The following BPIFA2 variants were observed in gnomAD, a reference collection of about 807,000 sequenced individuals.
BPIFA2 encodes BPI fold-containing family A member 2.
BPIFA2 carries 20 observed loss-of-function variants against 25.7 expected under a neutral mutation model. That is an observed-to-expected ratio of 0.78 (90% CI 0.55 to 1.13). BPIFA2 has a LOEUF of 1.13. Among genes scored for constraint, BPIFA2 ranks in the 50% most tolerant of loss-of-function variants. BPIFA2 has a pLI of 0.00. For missense variants in BPIFA2, 300 were observed against 298.1 expected (o/e 1.01, Z -0.05); for synonymous variants, 126 against 124.3 (o/e 1.01, Z -0.09).
intron 1 of BPIFA2, among the ~76,000 whole-genome samples, chr20:33,168,674 C>A (rs368530825): frequency 4.6e-5 from 7 of 152,154 alleles, no homozygotes; most frequent in African/African-American, 1.4e-4. Flanking sequence ...GAGTTCACAG[C>A]CTGGTAGGAA....
upstream of BPIFA2, among the ~76,000 whole-genome samples, chr20:33,166,940 G>A (rs1983744197): frequency 6.6e-6 from 1 of 152,204 alleles, no homozygotes; most frequent in Admixed American, 6.5e-5. Flanking sequence ...TCAGACGTTT[G>A]GAGAACCCGG....
rs1385849303 is a variant in BPIFA2, at chr20:33,178,133, C to A, written c.564-14C>A. On this transcript the variant is annotated splice_polypyrimidine_tract_variant and intron_variant, in intron 5 of 8. Coordinates refer to ENST00000354932, the MANE Select transcript of BPIFA2 (RefSeq NM_080574.4). ...CCACTTGACCAGACTTTAATAGTTC[C>A]CTGTGTTTTCCAGACACAGCCAAAT... The A allele has an allele frequency of 6.3e-7, 1 of 1,582,238 alleles. No individual in the cohort carries two copies. Among genetic ancestry groups the A allele is most frequent in the Non-Finnish European group, 8.7e-7 (1 of 1,154,144 alleles).
At chr20:33,176,456 C>T (rs1984080075) in intron 5 of BPIFA2, among the ~76,000 whole-genome samples, 1 of 152,212 alleles carries the variant, frequency 6.6e-6, no homozygotes, top group South Asian at 2.1e-4. Flanking sequence ...GAGGACACTC[C>T]ACTCGCCCTG....
rs79836102 is a variant in BPIFA2 at position 33,172,499 on chromosome 20, C to T, written c.158-433C>T. On this transcript the variant is annotated intron_variant, in intron 2 of 8. Transcript: ENST00000354932. ...GTTTCATGGATTGGAGCCATTTTTT[C>T]TCCTGGATTCTAGATTTTTCATTTC... 8.0e-3 allele frequency among the ~76,000 whole-genome samples: 1,213 copies of T among 151,864 alleles called. 13 individuals carry two copies. The highest frequency in any genetic ancestry group is 0.011 in the Non-Finnish European group (752 of 67,936).
In BPIFA2 at chr20:33,169,226, T is replaced by A. The variant is rs767081049; in HGVS notation, c.81T>A (p.Asn27Lys). 6.2e-7 allele frequency: 1 copy of A among 1,614,102 alleles called. No individual in the cohort carries two copies. The highest frequency in any genetic ancestry group is 8.5e-7 in the Non-Finnish European group (1 of 1,179,930). ...TSESLLDNLG[N>K]DLSNVVDKLE... ...AGTCTCTTCTTGACAATCTTGGCAATGACCTAAGCAATGTCGTGGATAAGC... is the reference window on the plus strand; with the variant it reads ...AGTCTCTTCTTGACAATCTTGGCAAAGACCTAAGCAATGTCGTGGATAAGC... The change falls in exon 2 of 9, where the codon AAT (asparagine) becomes AAA (lysine). Residue 27 changes from asparagine (N) to lysine (K), a missense_variant. Physicochemically the swap from Asn to Lys is moderately conservative, Grantham distance 94. Transcript: ENST00000354932.
intron 5 of BPIFA2, among the ~76,000 whole-genome samples, chr20:33,176,750 C>A (rs575842090): frequency 6.6e-6 from 1 of 152,218 alleles, no homozygotes; most frequent in Non-Finnish European, 1.5e-5. Flanking sequence ...TCTGTTTGAT[C>A]TGGCCCCACC....
chr20:33,179,603 GAT>G lies in BPIFA2; in HGVS notation c.648_649del (p.Ile216MetfsTer22). 6.2e-7 allele frequency: 1 copy of G among 1,609,238 alleles called. No homozygotes were observed. The highest frequency in any genetic ancestry group is 8.5e-7 in the Non-Finnish European group (1 of 1,175,748). On this transcript the variant is annotated frameshift_variant and splice_region_variant, in exon 7 of 9. Transcript: ENST00000354932. LOFTEE classifies it high-confidence loss of function. ...CCTCTTCCTCCTTTCTCCGCTGTCA[GAT>G]ATGTCCACTGATCCGCATCTTCATC... ...STVSSLLQKE[I>X]CPLIRIFIHS... is the part of the protein sequence containing the mutation.
intron 3 of BPIFA2, 106 bp downstream of exon 3, chr20:33,173,182 C>G: frequency 1.4e-6 from 2 of 1,381,734 alleles, no homozygotes; most frequent in African/African-American, 1.4e-5. Context: ...CCTCATTCCC[C>G]TCCCACAGAG....
chr20:33,174,530 C>T (rs1984009323), intron 4 of BPIFA2, among the ~76,000 whole-genome samples: 4 of 152,206 alleles, frequency 2.6e-5, no homozygotes, highest in Admixed American at 2.6e-4. Context: ...AAGATTCTCT[C>T]TAAGTTGCAG....
At position 33,178,191 on chromosome 20, in the gene BPIFA2, C is replaced by T. The variant is rs562811373; in HGVS notation, c.608C>T (p.Thr203Met). Residue 203 changes from threonine (T) to methionine (M), a missense_variant, in exon 6 of 9, where the codon ACG becomes ATG. By Grantham distance (81) the Thr-to-Met change is moderately conservative (BLOSUM62 -1). Transcript: ENST00000354932. ...AAGTTCGTGAATAGCGTGATCAACA[C>T]GCTGAAAAGCACTGTATCCTCCCTG... The part of the protein sequence containing the change: ...INKFVNSVIN[T>M]LKSTVSSLLQ... The T allele has an allele frequency of 1.0e-5, 16 of 1,606,708 alleles. No homozygotes were observed. The East Asian group carries it at 1.1e-4, about 11-fold the overall frequency.
intron 1 of BPIFA2, among the ~76,000 whole-genome samples, chr20:33,168,572 G>A (rs1327185127): frequency 6.6e-6 from 1 of 152,208 alleles, no homozygotes; most frequent in Admixed American, 6.5e-5. Context: ...ATTCAACAAA[G>A]ATTTATTCGT....
Position 33,178,164 on chromosome 20 carries a change from A to G in BPIFA2, c.581A>G (p.Asn194Ser), listed in dbSNP as rs1984146943. 6.2e-7 allele frequency: 1 copy of G among 1,606,186 alleles called. No individual in the cohort carries two copies. The highest frequency in any genetic ancestry group is 8.5e-7 in the Non-Finnish European group (1 of 1,174,324). ...TTTTCCAGACACAGCCAAATCATCA[A>G]CAAGTTCGTGAATAGCGTGATCAAC... ...SLLDKHSQII[N>S]KFVNSVINTL... The change falls in exon 6 of 9, where the codon AAC becomes AGC. Residue 194 changes from asparagine to serine, a missense_variant. Coordinates refer to ENST00000354932, the MANE Select transcript of BPIFA2 (RefSeq NM_080574.4).
intron 7 of BPIFA2, 70 bp downstream of exon 7, chr20:33,179,737 C>A: frequency 6.9e-7 from 1 of 1,447,868 alleles, no homozygotes; most frequent in Non-Finnish European, 9.7e-7. Context: ...ATAAGCAGTT[C>A]TGGTCAGGGG....
At chr20:33,170,697 A>G (rs1027110946) in intron 2 of BPIFA2, among the ~76,000 whole-genome samples, 2 of 152,200 alleles carry the variant, frequency 1.3e-5, no homozygotes, top group African/African-American at 4.8e-5. Context: ...CCCAGTCACG[A>G]CATTTATTCC....
At chr20:33,167,947 G>T (rs888829031), upstream of BPIFA2, among the ~76,000 whole-genome samples, 2 of 152,340 alleles carry the variant, frequency 1.3e-5, no homozygotes, top group Non-Finnish European at 2.9e-5. Context: ...CCTGGTCTTA[G>T]TCTTGGCGGA....
intron 7 of BPIFA2, 45 bp downstream of exon 7, chr20:33,179,712 C>T (rs766689931): frequency 1.3e-6 from 2 of 1,530,090 alleles, no homozygotes; most frequent in East Asian, 2.3e-5. Context: ...AGGCATGGAG[C>T]TCTGTGCCCA....
At chr20:33,180,443 C>G in intron 7 of BPIFA2, 77 bp from the exon 8 acceptor site, 1 of 1,485,340 alleles carries the variant, frequency 6.7e-7, no homozygotes, top group African/African-American at 1.4e-5. Flanking sequence ...GGCTGGAGAG[C>G]GGCATCTTTT....
At chr20:33,166,997 GGCAAGACT>G (rs1305605725), upstream of BPIFA2, among the ~76,000 whole-genome samples, 1 of 152,172 alleles carries the variant, frequency 6.6e-6, no homozygotes, top group Admixed American at 6.5e-5. Context: ...CAAGACCACA[GGCAAGACT>G]GCAGCAGGGG....
chr20:33,163,918 C>T (rs1291566130), upstream of BPIFA2, among the ~76,000 whole-genome samples: 1 of 152,130 alleles, frequency 6.6e-6, no homozygotes, highest in African/African-American at 2.4e-5. Flanking sequence ...TGACCTTAGG[C>T]AGTACACATT....
Sources: gnomAD v4.1 joint callset for allele counts (sites outside exome capture counted in the v4.1 genomes callset) on GRCh38, gnomAD v4.1.1 for gene constraint, MANE v1.5 for transcripts, NCBI Gene and HGNC (gene_info 2026-07-23, HGNC 2026-07-21) for gene names.